CAMTA1: variants seen among roughly 807,000 people sequenced by gnomAD.
CAMTA1 encodes calmodulin-binding transcription activator 1.
In CAMTA1, 27 loss-of-function variants were observed where a neutral mutation model predicts 170.9. The observed-to-expected ratio is 0.16, with a 90% confidence interval of 0.12 to 0.22. CAMTA1 has a LOEUF of 0.22. Ranked by LOEUF, CAMTA1 falls within the 10% of genes least tolerant of loss-of-function variation. The probability of loss-of-function intolerance (pLI) is 1.00; values close to 1 mark genes in which losing one functional copy is unlikely to be tolerated. For synonymous variants in CAMTA1, 833 were observed against 891.5 expected, an observed-to-expected ratio of 0.93 and a Z score of 1.17; for missense variants, 1,619 against 2,217.2, an observed-to-expected ratio of 0.73 and a Z score of 5.42.
At chr1:7,612,103 C>T (rs1558001949) in intron 6 of CAMTA1, among the ~76,000 whole-genome samples, 1 of 152,206 alleles carries the variant, frequency 6.6e-6, no homozygotes. Flanking sequence ...GTTAAACCAG[C>T]TCAGTGGAGA....
intron 6 of CAMTA1, among the ~76,000 whole-genome samples, chr1:7,602,119 CCTTCCTTCCTTCCTTCCTTCCTT>C (rs1399521611): frequency 1.1e-3 from 151 of 141,484 alleles, no homozygotes; most frequent in African/African-American, 3.7e-3. Context: ...TTCCTTCCTT[CCTTCCTTCCTTCCTTCCTTCCTT>C]CCTCCCTCCC....
rs951626208 is a variant in CAMTA1 at position 7,510,752 on chromosome 1, A to G, written c.510+42851A>G. 2.1e-5 allele frequency among the ~76,000 whole-genome samples: 3 copies of G among 145,760 alleles called. 1 individual carries two copies. Among genetic ancestry groups the G allele is most frequent in the African/African-American group, 7.4e-5 (3 of 40,722 alleles). On this transcript the variant is annotated intron_variant, in intron 6 of 22. Coordinates refer to ENST00000303635, the MANE Select transcript of CAMTA1 (RefSeq NM_015215.4). ...GAGTTTCCTCCATTGTGTTTACCCTACTGGGGACAGCAGGACCTTTGTCCT... is the reference window on the plus strand; with the variant it reads ...GAGTTTCCTCCATTGTGTTTACCCTGCTGGGGACAGCAGGACCTTTGTCCT...
Position 7,014,437 on chromosome 1 carries a change from C to T in CAMTA1, c.235-76867C>T, listed in dbSNP as rs1700248085. Among the ~76,000 whole-genome samples, 1 of 152,148 alleles carries T rather than the reference C, an allele frequency of 6.6e-6. No individual in the cohort carries two copies. The highest frequency in any genetic ancestry group is 2.1e-4 in the South Asian group (1 of 4,822). ...ACTGGCTCCTTCTTCCTGGGGATCC[C>T]AGCGCCCACTACAAAGGTGAACTCC... On this transcript the variant is annotated intron_variant, in intron 3 of 22. Transcript: ENST00000303635. The surrounding 1 kb of genome is among the most constrained non-coding windows in gnomAD (Gnocchi z 4.2).
At chr1:7,545,439 C>T (rs746493464) in intron 6 of CAMTA1, among the ~76,000 whole-genome samples, 5 of 152,232 alleles carry the variant, frequency 3.3e-5, no homozygotes, top group Non-Finnish European at 7.3e-5. Context: ...GTCAGCATCA[C>T]GGGTCACATT....
chr1:7,500,441 T>C (rs1424919063), intron 6 of CAMTA1, among the ~76,000 whole-genome samples: 1 of 152,062 alleles, frequency 6.6e-6, no homozygotes, highest in African/African-American at 2.4e-5. Flanking sequence ...TGTGTGTGTG[T>C]GCATGAGTGA....
At chr1:7,004,284 T>G (rs1194349613) in intron 3 of CAMTA1, among the ~76,000 whole-genome samples, 1 of 152,222 alleles carries the variant, frequency 6.6e-6, no homozygotes, top group East Asian at 1.9e-4. Flanking sequence ...TGATATCCAT[T>G]GCATTTCAAT....
chr1:7,726,918 T>C (rs1437506689), intron 11 of CAMTA1, among the ~76,000 whole-genome samples: 1 of 152,192 alleles, frequency 6.6e-6, no homozygotes, highest in Middle Eastern at 3.2e-3. Flanking sequence ...CTTGCACTTG[T>C]AACTTTCCTT....
intron 6 of CAMTA1, among the ~76,000 whole-genome samples, chr1:7,574,679 T>C (rs7526070): frequency 0.15 from 22,394 of 152,170 alleles, 5,349 homozygotes; most frequent in African/African-American, 0.5. Flanking sequence ...CTCTGTCCCG[T>C]GCCAAGCCAA....
intron 5 of CAMTA1, among the ~76,000 whole-genome samples, chr1:7,314,550 A>T (rs940698471): frequency 6.6e-6 from 1 of 152,206 alleles, no homozygotes; most frequent in African/African-American, 2.4e-5. Flanking sequence ...TTTATCATGG[A>T]ACCTGAGTGT....
chr1:7,162,275 G>T (rs544288435), intron 4 of CAMTA1, among the ~76,000 whole-genome samples: 2 of 152,162 alleles, frequency 1.3e-5, no homozygotes, highest in Non-Finnish European at 2.9e-5. Flanking sequence ...CCATTCGAAG[G>T]TTTTAACCAA....
At position 7,325,183 on chromosome 1, in the gene CAMTA1, C is replaced by A. The variant is rs72863561; in HGVS notation, c.438+75557C>A. On this transcript the variant is annotated intron_variant, in intron 5 of 22. Transcript: ENST00000303635. The surrounding 1 kb of genome is among the most constrained non-coding windows in gnomAD (Gnocchi z 5.0). The stretch of plus-strand genomic sequence containing the variant: ...AACAGAGAAGGCACAGGTCCCCACC[C>A]TCATGGACTTGACATTCTAGCTGGG... Among the ~76,000 whole-genome samples, 5,768 of 152,272 alleles carry A rather than the reference C, an allele frequency of 0.038. 290 individuals are homozygous for A. Among genetic ancestry groups the A allele is most frequent in the African/African-American group, 0.12 (4,971 of 41,522 alleles).
chr1:6,945,213 AC>A (rs1687373886), intron 3 of CAMTA1, among the ~76,000 whole-genome samples: 1 of 152,130 alleles, frequency 6.6e-6, no homozygotes, highest in Admixed American at 6.6e-5. Context: ...CTTACAATTC[AC>A]CCATTAAAAT....
At chr1:6,802,501 A>G (rs1019193836) in intron 1 of CAMTA1, among the ~76,000 whole-genome samples, 4 of 152,236 alleles carry the variant, frequency 2.6e-5, no homozygotes, top group African/African-American at 9.6e-5. Context: ...GCTGGTTATC[A>G]TAGCAGGGGG....
chr1:7,624,564 G>A (rs1354684955), intron 6 of CAMTA1, among the ~76,000 whole-genome samples: 1 of 152,226 alleles, frequency 6.6e-6, no homozygotes, highest in Non-Finnish European at 1.5e-5. Flanking sequence ...GGGAGAGGGT[G>A]ATGGGTGGGT....
Position 7,344,809 on chromosome 1 carries a change from G to A in CAMTA1, c.438+95183G>A, listed in dbSNP as rs192087358. On this transcript the variant is annotated intron_variant, in intron 5 of 22. Transcript: ENST00000303635. ...GTTGCCCAGGCTGGAGTGCAGTGGC[G>A]TGATCTTGGCTCACTGCAAGCTCTG... Among the ~76,000 whole-genome samples, 21 of 150,562 alleles carry A rather than the reference G, an allele frequency of 1.4e-4. No homozygotes were observed. In the Middle Eastern group the frequency reaches 0.01, roughly 75 times the overall value.
At chr1:7,298,174 C>T (rs1674244051) in intron 5 of CAMTA1, among the ~76,000 whole-genome samples, 1 of 152,166 alleles carries the variant, frequency 6.6e-6, no homozygotes, top group African/African-American at 2.4e-5. Flanking sequence ...AATGGGAAGC[C>T]TTTGGATGGC....
intron 4 of CAMTA1, among the ~76,000 whole-genome samples, chr1:7,169,836 A>C (rs1278671879): frequency 6.6e-6 from 1 of 152,212 alleles, no homozygotes; most frequent in Non-Finnish European, 1.5e-5. Context: ...CTAAGCTTCT[A>C]ACTTATTGTC....
At chr1:7,227,864 GC>G (rs113760355) in intron 4 of CAMTA1, among the ~76,000 whole-genome samples, 24,997 of 152,088 alleles carry the variant, frequency 0.16, 6,127 homozygotes, top group African/African-American at 0.54. Context: ...CTCACCCAGG[GC>G]CCCTGCACAT....
At chr1:6,871,584 A>G (rs77800735) in intron 3 of CAMTA1, among the ~76,000 whole-genome samples, 1 of 111,216 alleles carries the variant, frequency 9.0e-6, no homozygotes, top group Non-Finnish European at 2.0e-5. Context: ...TGGTTAAATT[A>G]AAAAAAAATT....
Sources: allele counts gnomAD v4.1 joint callset (sites outside exome capture counted in the v4.1 genomes callset), GRCh38; gene constraint gnomAD v4.1.1; non-coding constraint Gnocchi (gnomAD v3.1); transcripts MANE v1.5; gene names NCBI Gene and HGNC (gene_info 2026-07-23, HGNC 2026-07-21).